The following HDAC5 variants were observed in gnomAD, a reference collection of about 807,000 sequenced individuals.
HDAC5 encodes the protein antigen NY-CO-9.
Under a neutral mutation model 133.3 loss-of-function variants are expected in HDAC5, and 25 were observed. The observed-to-expected ratio is 0.19, with a 90% CI of 0.14 to 0.26. HDAC5 has a LOEUF of 0.26. Among genes scored for constraint, HDAC5 ranks in the 10% least tolerant of loss-of-function variants. The pLI, the probability that HDAC5 is intolerant of heterozygous loss-of-function variation, is 1.00. For missense variants in HDAC5, 1,041 were observed against 1,460.5 expected (o/e 0.71, Z 4.68); for synonymous variants, 589 against 610.8 (o/e 0.96, Z 0.53).
chr17:44,121,845 C>T (rs117944176), intron 1 of HDAC5, among the ~76,000 whole-genome samples: 2,671 of 152,170 alleles, frequency 0.018, 54 homozygotes, highest in Non-Finnish European at 0.025. Flanking sequence ...ACATTTCCTC[C>T]ATCCTTGCCC....
chr17:44,103,057 C>T (rs569203285), intron 3 of HDAC5, among the ~76,000 whole-genome samples: 4 of 152,260 alleles, frequency 2.6e-5, no homozygotes, highest in African/African-American at 4.8e-5. Context: ...TCAGGACCTC[C>T]CTCACCAGGT....
At chr17:44,096,453 AAAC>A (rs1484129157) in intron 3 of HDAC5, among the ~76,000 whole-genome samples, 1 of 151,628 alleles carries the variant, frequency 6.6e-6, no homozygotes, top group Non-Finnish European at 1.5e-5. Flanking sequence ...AAAAAACAAA[AAAC>A]AAGTTTTGGT....
At chr17:44,080,695 C>T (rs527707309) in intron 21 of HDAC5, 68 bp downstream of exon 21, 20 of 1,608,510 alleles carry the variant, frequency 1.2e-5, no homozygotes, top group South Asian at 1.1e-4. Context: ...CGTGGCTCCC[C>T]GCCAGGTCCC....
At chr17:44,113,758 A>C (rs1214546797) in intron 2 of HDAC5, among the ~76,000 whole-genome samples, 2 of 152,106 alleles carry the variant, frequency 1.3e-5, no homozygotes. Flanking sequence ...AAAGAGCCTA[A>C]CCCTGGCTCC....
In HDAC5 at chr17:44,092,808, TGGGGTGGGGG is replaced by T; in HGVS notation, c.642-12_642-3del. ...TCCAAAGAAGCATGGTGGGCTCCCC[TGGGGTGGGGG>T]GGGGGTGGGGATGGAAGCAGATCTA... On this transcript the variant is annotated splice_region_variant and splice_polypyrimidine_tract_variant and intron_variant, in intron 6 of 26. Coordinates refer to ENST00000682912, the MANE Select transcript of HDAC5 (RefSeq NM_005474.5). The T allele has an allele frequency of 4.2e-6, 1 of 236,666 alleles. No individual in the cohort carries two copies. Among genetic ancestry groups the T allele is most frequent in the Non-Finnish European group, 6.8e-6 (1 of 147,672 alleles). The allele number at this position is 236,666 out of a possible 1,614,324, so 14.7% of individuals were successfully genotyped here. A position where few individuals can be genotyped will look rare whatever the true frequency, so the allele number is the denominator to read the frequency against.
At chr17:44,099,315 T>C (rs1034491771) in intron 3 of HDAC5, among the ~76,000 whole-genome samples, 4 of 151,998 alleles carry the variant, frequency 2.6e-5, no homozygotes, top group African/African-American at 9.7e-5. Flanking sequence ...TACTTTCCTC[T>C]TTCCCAGCAC....
intron 24 of HDAC5, 23 bp from the exon 25 acceptor site, chr17:44,078,902 G>A: frequency 6.2e-7 from 1 of 1,612,920 alleles, no homozygotes; most frequent in East Asian, 2.2e-5. Flanking sequence ...AGAAGAGAAG[G>A]CTTAGGGTGG....
At chr17:44,084,705 A>G in intron 15 of HDAC5, 30 bp from the exon 16 acceptor site, 1 of 1,611,934 alleles carries the variant, frequency 6.2e-7, no homozygotes, top group Non-Finnish European at 8.5e-7. Flanking sequence ...GAGGGGTCAC[A>G]CAAAGGCACA....
chr17:44,099,775 T>TG (rs2051479200), intron 3 of HDAC5, among the ~76,000 whole-genome samples: 1 of 152,244 alleles, frequency 6.6e-6, no homozygotes, highest in Admixed American at 6.5e-5. Flanking sequence ...TGCCTGGCCT[T>TG]GGGGCTGTGT....
chr17:44,084,588 T>G lies in HDAC5; in HGVS notation c.2272A>C (p.Asn758His). The G allele has an allele frequency of 6.2e-7, 1 of 1,614,108 alleles. No individual in the cohort carries two copies. The highest frequency in any genetic ancestry group is 8.5e-7 in the Non-Finnish European group (1 of 1,180,006). ...TTCTTGCTGTCTAGCTTCTGCCGGT[T>G]GAGGGGACTGGTCCCATAGAGCAGG... ...HTLLYGTSPL[N>H]RQKLDSKKLL... The change falls in exon 16 of 27, where the codon AAC becomes CAC. Residue 758 changes from asparagine to histidine, a missense_variant. Coordinates refer to ENST00000682912, the MANE Select transcript of HDAC5 (RefSeq NM_005474.5).
At chr17:44,082,701 C>A in intron 19 of HDAC5, 29 bp from the exon 20 acceptor site, 1 of 1,612,522 alleles carries the variant, frequency 6.2e-7, no homozygotes, top group Non-Finnish European at 8.5e-7. Flanking sequence ...GGCAGGAGGT[C>A]AGCCTCAGCA....
intron 2 of HDAC5, among the ~76,000 whole-genome samples, chr17:44,114,441 G>GT (rs1491253022): frequency 4.0e-5 from 6 of 151,686 alleles, no homozygotes; most frequent in East Asian, 3.8e-4. Flanking sequence ...CAGGCGTGGG[G>GT]GGGGGGGGCT....
Position 44,083,574 on chromosome 17 carries a change from C to T in HDAC5, c.2434G>A (p.Ala812Thr), listed in dbSNP as rs912317618. Residue 812 changes from alanine to threonine, a missense_variant, in exon 18 of 27, where the codon GCC (alanine) becomes ACC (threonine). This residue lies in a region of HDAC5 where 174 missense variants were observed against 352.7 expected (regional missense o/e 0.49). Transcript: ENST00000682912. The part of the protein sequence containing the change: ...RMAVGCLLEL[A>T]FKVAAGELKN... ...AGCTCTCCTGCAGCCACCTTGAAGG[C>T]CAGCTCCAGCAGGCAGCCCACTGCC... is the stretch of plus-strand genomic sequence containing the variant. 1 of 1,613,826 alleles carries T rather than the reference C, an allele frequency of 6.2e-7. No homozygotes were observed. The highest frequency in any genetic ancestry group is 1.3e-5 in the African/African-American group (1 of 74,952).
intron 2 of HDAC5, chr17:44,111,634 C>T (rs761644840): frequency 3.9e-6 from 2 of 517,942 alleles, no homozygotes; most frequent in Non-Finnish European, 7.7e-6. Context: ...CACACAGGCA[C>T]CTTCCCTGGA....
At chr17:44,121,435 TCC>T (rs555281113) in intron 1 of HDAC5, among the ~76,000 whole-genome samples, 1 of 76,910 alleles carries the variant, frequency 1.3e-5, no homozygotes, top group Non-Finnish European at 2.5e-5. Context: ...GTCTCCCCCT[TCC>T]CCCCCCTACT....
chr17:44,113,662 A>G (rs1379477508), intron 2 of HDAC5, among the ~76,000 whole-genome samples: 1 of 152,092 alleles, frequency 6.6e-6, no homozygotes, highest in Non-Finnish European at 1.5e-5. Flanking sequence ...CTTCACCCAG[A>G]GCCAGGACTG....
At position 44,087,698 on chromosome 17, in the gene HDAC5, T is replaced by C; in HGVS notation, c.1600-2A>G. The C allele has an allele frequency of 6.3e-7, 1 of 1,579,424 alleles. No homozygotes were observed. Among genetic ancestry groups the C allele is most frequent in the Non-Finnish European group, 8.6e-7 (1 of 1,161,826 alleles). ...CAGCTCCCCTGTCTTGGTGAGGATC[T>C]GATAACAGAATATGGGGGCACATCA... On this transcript the variant is annotated splice_acceptor_variant, in intron 12 of 26. Transcript: ENST00000682912. LOFTEE classifies it high-confidence loss of function.
intron 2 of HDAC5, among the ~76,000 whole-genome samples, chr17:44,116,830 T>C (rs1385460563): frequency 2.0e-5 from 3 of 152,056 alleles, no homozygotes; most frequent in Admixed American, 6.6e-5. Context: ...CTGGCAGCAC[T>C]GGACAGGGTC....
chr17:44,086,562 G>T lies in HDAC5; in HGVS notation c.2050+10C>A. ...CTGGCAGAAGGACCTAACAGTTGGT[G>T]GGGGCTCACCTGTGGTGAAGAGGTG... is the stretch of plus-strand genomic sequence containing the variant. On this transcript the variant is annotated intron_variant, in intron 14 of 26. Coordinates refer to ENST00000682912, the MANE Select transcript of HDAC5 (RefSeq NM_005474.5). The T allele has an allele frequency of 7.7e-7, 1 of 1,299,188 alleles. No individual in the cohort carries two copies. Among genetic ancestry groups the T allele is most frequent in the Non-Finnish European group, 9.8e-7 (1 of 1,016,104 alleles). The allele number at this position is 1,299,188 out of a possible 1,614,324, so 80.5% of individuals were successfully genotyped here.
Sources: gnomAD v4.1 joint callset for allele counts (sites outside exome capture counted in the v4.1 genomes callset) on GRCh38, gnomAD v4.1.1 for gene constraint, gnomAD v4.1.1 regional missense constraint, MANE v1.5 for transcripts, NCBI Gene and HGNC (gene_info 2026-07-23, HGNC 2026-07-21) for gene names.